Variants in PAM observed in about 807,000 individuals in gnomAD.
The protein encoded by PAM is peptidylglycine alpha-amidating monooxygenase, also known as peptidyl-glycine alpha-amidating monooxygenase.
A neutral mutation model predicts 122.1 loss-of-function variants in PAM; 72 were observed. The observed-to-expected ratio is 0.59, with a 90% CI of 0.49 to 0.72. PAM has a LOEUF of 0.72. PAM is among the 30% of genes least tolerant of loss of function. PAM has a pLI of 0.00. For synonymous variants in PAM, 389 were observed against 404.4 expected, an observed-to-expected ratio of 0.96 and a Z score of 0.46; for missense variants, 1,106 against 1,183.7, an observed-to-expected ratio of 0.93 and a Z score of 0.96.
At chr5:103,028,816 T>G in intron 25 of PAM, 71 bp from the exon 26 acceptor site, 1 of 986,700 alleles carries the variant, frequency 1.0e-6, no homozygotes, top group South Asian at 1.6e-5. Flanking sequence ...ACTTTATCAT[T>G]TAAGAATTTA....
At chr5:102,968,576 T>G (rs1764809046) in intron 14 of PAM, among the ~76,000 whole-genome samples, 1 of 152,218 alleles carries the variant, frequency 6.6e-6, no homozygotes, top group South Asian at 2.1e-4. Flanking sequence ...TGTCAACAAT[T>G]GGTAAGCAGC....
At chr5:102,912,994 C>G (rs1454446823) in intron 4 of PAM, among the ~76,000 whole-genome samples, 3 of 151,960 alleles carry the variant, frequency 2.0e-5, no homozygotes, top group African/African-American at 7.2e-5. Context: ...ACTCATGTCT[C>G]ACATACACAT....
At chr5:103,028,037 G>T in intron 24 of PAM, 148 bp from the exon 25 acceptor site, 1 of 618,892 alleles carries the variant, frequency 1.6e-6, no homozygotes, top group South Asian at 2.1e-5. Flanking sequence ...GAAATATACC[G>T]CCTTTCTTAA....
chr5:102,858,755 A>G (rs1194010532), intron 1 of PAM, among the ~76,000 whole-genome samples: 2 of 152,086 alleles, frequency 1.3e-5, no homozygotes, highest in Non-Finnish European at 2.9e-5. Flanking sequence ...AAGACAATGA[A>G]CTCCACCTTT....
intron 8 of PAM, 119 bp downstream of exon 8, chr5:102,947,004 A>G (rs1056124836): frequency 1.8e-5 from 13 of 717,378 alleles, no homozygotes; most frequent in Non-Finnish European, 2.3e-5. Context: ...GGGTTAAAAC[A>G]ACAAATATGT....
At chr5:102,950,266 G>A (rs1245093776) in intron 11 of PAM, among the ~76,000 whole-genome samples, 1 of 151,936 alleles carries the variant, frequency 6.6e-6, no homozygotes, top group Admixed American at 6.6e-5. Flanking sequence ...TGATTTTTAT[G>A]GGATGCATTT....
rs17154869 is a variant in PAM, at chr5:102,958,019, C to T, written c.906-1856C>T. Among the ~76,000 whole-genome samples the T allele has an allele frequency of 7.7e-3, 1,180 of 152,284 alleles. 21 individuals carry two copies. The highest frequency in any genetic ancestry group is 0.027 in the African/African-American group (1,131 of 41,552). ...TTCCATTTATGCAACAGAGAACACACTGGCCCAAGGGACCAACAATATTTA... is the reference window on the plus strand; with the variant it reads ...TTCCATTTATGCAACAGAGAACACATTGGCCCAAGGGACCAACAATATTTA... On this transcript the variant is annotated intron_variant, in intron 12 of 25. Transcript: ENST00000438793.
At chr5:102,906,278 A>G (rs1270684225) in intron 4 of PAM, among the ~76,000 whole-genome samples, 2 of 151,602 alleles carry the variant, frequency 1.3e-5, no homozygotes, top group East Asian at 3.9e-4. Context: ...CATTCCCCCA[A>G]CCTACCACCT....
At chr5:102,954,288 T>A (rs1165072055) in intron 12 of PAM, among the ~76,000 whole-genome samples, 1 of 151,932 alleles carries the variant, frequency 6.6e-6, no homozygotes, top group South Asian at 2.1e-4. Context: ...TAGTTTTTTT[T>A]ATCCTTAACC....
intron 3 of PAM, among the ~76,000 whole-genome samples, chr5:102,900,254 T>TGGGGGGG (rs140960589): frequency 7.4e-5 from 2 of 26,974 alleles, no homozygotes; most frequent in Admixed American, 3.5e-4. Context: ...TGTGTGTGTG[T>TGGGGGGG]GGGGGGGGGG....
At chr5:102,851,791 T>C (rs1781414647) in intron 1 of PAM, among the ~76,000 whole-genome samples, 1 of 152,252 alleles carries the variant, frequency 6.6e-6, no homozygotes, top group South Asian at 2.1e-4. Context: ...ATGTTATTAT[T>C]TATGGAGAAA....
chr5:102,888,652 A>G (rs993209948), intron 3 of PAM, among the ~76,000 whole-genome samples: 3 of 151,858 alleles, frequency 2.0e-5, no homozygotes, highest in Non-Finnish European at 4.4e-5. Context: ...GGTTTGGTTC[A>G]GGCTGTATTT....
In PAM at chr5:102,867,328, G is replaced by A. The variant is rs2230458; in HGVS notation, c.145G>A (p.Val49Ile). 2.3e-5 allele frequency: 37 copies of A among 1,601,042 alleles called. No individual in the cohort carries two copies. The highest frequency in any genetic ancestry group is 6.7e-5 in the East Asian group (3 of 44,766). Residue 49 changes from valine (V) to isoleucine (I), a missense_variant, in exon 3 of 26, where the codon GTA becomes ATA. This residue lies in a region of PAM where 670 missense variants were observed against 690.3 expected (regional missense o/e 0.97). Coordinates refer to ENST00000438793, the MANE Select transcript of PAM (RefSeq NM_001177306.2). ...SNECLGTTRP[V>I]VPIDSSDFAL... ...TGAATGTCTTGGTACCACCAGACCC[G>A]TAGTTCCTATTGATTCATCAGATTT...
At chr5:102,937,586 G>T (rs1238557463) in intron 7 of PAM, among the ~76,000 whole-genome samples, 1 of 152,074 alleles carries the variant, frequency 6.6e-6, no homozygotes, top group Non-Finnish European at 1.5e-5. Context: ...TAAAGCACTC[G>T]TTTTTAAAAT....
intron 1 of PAM, among the ~76,000 whole-genome samples, chr5:102,832,275 AC>A (rs558243376): frequency 1.2e-4 from 19 of 152,188 alleles, no homozygotes; most frequent in African/African-American, 3.4e-4. Context: ...CATTGATCGT[AC>A]CCATAGCTAG....
intron 5 of PAM, among the ~76,000 whole-genome samples, chr5:102,918,219 C>A (rs1041204110): frequency 6.6e-6 from 1 of 152,058 alleles, no homozygotes; most frequent in Non-Finnish European, 1.5e-5. Context: ...TCTTCCCAGG[C>A]GTTTGGAGGA....
At chr5:102,987,453 T>C (rs1035767405) in intron 15 of PAM, 5 of 420,252 alleles carry the variant, frequency 1.2e-5, no homozygotes, top group Admixed American at 2.7e-5. Flanking sequence ...GAAATAACTT[T>C]TAGTGTTTGA....
chr5:102,964,813 A>G (rs943472472), intron 14 of PAM, among the ~76,000 whole-genome samples: 2 of 151,674 alleles, frequency 1.3e-5, no homozygotes, highest in Non-Finnish European at 3.0e-5. Context: ...TACCTTGAAT[A>G]TTTTCTCCAG....
chr5:102,931,884 T>A (rs1561932709), intron 7 of PAM, among the ~76,000 whole-genome samples: 1 of 152,000 alleles, frequency 6.6e-6, no homozygotes, highest in East Asian at 1.9e-4. Flanking sequence ...TATGTACACC[T>A]GCATTTTGTA....
Sources: gnomAD v4.1 joint callset for allele counts (sites outside exome capture counted in the v4.1 genomes callset) on GRCh38, gnomAD v4.1.1 for gene constraint, gnomAD v4.1.1 regional missense constraint, MANE v1.5 for transcripts, NCBI Gene and HGNC (gene_info 2026-07-23, HGNC 2026-07-21) for gene names.